TENM2: variants seen among roughly 807,000 people sequenced by gnomAD.
TENM2 encodes teneurin-2.
Under a neutral mutation model 245.2 loss-of-function variants are expected in TENM2, and 52 were observed. That is an observed-to-expected ratio of 0.21 (90% CI 0.17 to 0.27). The LOEUF (loss-of-function observed/expected upper bound fraction) is 0.27, where lower values mean the gene tolerates loss of function less well. Among genes scored for constraint, TENM2 ranks in the 10% least tolerant of loss-of-function variants. The pLI, the probability that TENM2 is intolerant of heterozygous loss-of-function variation, is 1.00. For synonymous variants in TENM2, 1,363 were observed against 1,438.9 expected, an observed-to-expected ratio of 0.95 and a Z score of 1.19; for missense variants, 3,046 against 3,666.8, an observed-to-expected ratio of 0.83 and a Z score of 4.37.
At chr5:167,765,411 A>C (rs2150733821) in intron 2 of TENM2, among the ~76,000 whole-genome samples, 1 of 152,294 alleles carries the variant, frequency 6.6e-6, no homozygotes, top group African/African-American at 2.4e-5. Context: ...AATCTGTCAA[A>C]AAAGGCATCA....
chr5:167,917,959 GTTA>G (rs987078200), intron 3 of TENM2, among the ~76,000 whole-genome samples: 6 of 152,138 alleles, frequency 3.9e-5, no homozygotes, highest in Middle Eastern at 3.4e-3. Flanking sequence ...ATTGGTTAGT[GTTA>G]TTATTATAGG....
chr5:167,412,974 A>G (rs1462995651), intron 2 of TENM2, among the ~76,000 whole-genome samples: 1 of 152,142 alleles, frequency 6.6e-6, no homozygotes, highest in East Asian at 1.9e-4. Context: ...GCCCCTGCCA[A>G]ATGTTAATCC....
intron 2 of TENM2, among the ~76,000 whole-genome samples, chr5:167,776,161 C>CACACA (rs1554115636): frequency 1.5e-5 from 2 of 133,110 alleles, no homozygotes; most frequent in East Asian, 2.1e-4. Flanking sequence ...AAAAAAAAAT[C>CACACA]CACACACACA....
chr5:167,729,011 C>T (rs1049224673), intron 2 of TENM2: 2 of 152,246 alleles, frequency 1.3e-5, no homozygotes, highest in African/African-American at 4.8e-5. Context: ...CCAGTGATAA[C>T]CCAATTTCAT....
chr5:167,452,295 C>T (rs1448235549), intron 2 of TENM2, among the ~76,000 whole-genome samples: 2 of 152,066 alleles, frequency 1.3e-5, no homozygotes, highest in African/African-American at 4.8e-5. Context: ...CTGGAAGGTT[C>T]CGTGGGAGGA....
intron 2 of TENM2, among the ~76,000 whole-genome samples, chr5:167,825,666 C>G (rs1289931633): frequency 6.6e-6 from 1 of 152,074 alleles, no homozygotes; most frequent in Non-Finnish European, 1.5e-5. Context: ...TCCCAAATTG[C>G]TAGGGCTCTC....
chr5:168,010,542 G>A (rs1256552499), intron 5 of TENM2, among the ~76,000 whole-genome samples: 1 of 152,182 alleles, frequency 6.6e-6, no homozygotes, highest in Non-Finnish European at 1.5e-5. Flanking sequence ...ATATACAACA[G>A]CATCTTTTAG....
intron 25 of TENM2, among the ~76,000 whole-genome samples, chr5:168,233,991 C>A (rs1362053225): frequency 1.3e-5 from 2 of 152,124 alleles, no homozygotes; most frequent in Admixed American, 1.3e-4. Flanking sequence ...CTAGGAGATA[C>A]AATTCAAATC....
chr5:167,782,440 A>C (rs1407300089), intron 2 of TENM2, among the ~76,000 whole-genome samples: 1 of 152,088 alleles, frequency 6.6e-6, no homozygotes, highest in East Asian at 1.9e-4. Context: ...TAGATGGCCC[A>C]AGCAAGCTGG....
At chr5:167,967,844 C>G (rs2151910506) in intron 4 of TENM2, among the ~76,000 whole-genome samples, 1 of 152,284 alleles carries the variant, frequency 6.6e-6, no homozygotes, top group Non-Finnish European at 1.5e-5. Context: ...AACTGTCATT[C>G]CCTTGAGGCA....
At chr5:168,103,432 A>G (rs1020870549) in intron 9 of TENM2, among the ~76,000 whole-genome samples, 1 of 152,092 alleles carries the variant, frequency 6.6e-6, no homozygotes, top group Non-Finnish European at 1.5e-5. Context: ...CCCACATTGC[A>G]TTTAATCGTC....
rs146627523 is a variant in TENM2, at chr5:168,260,263, A to G, written c.7433-20A>G. ...ATCCATCATGATTTCAGAAACCTTT[A>G]TTTTTGTTTTCCACCATAGATGTGA... On this transcript the variant is annotated intron_variant, in intron 27 of 28. Coordinates refer to ENST00000518659, the Ensembl canonical transcript of TENM2. 147 of 1,613,190 alleles carry G rather than the reference A, an allele frequency of 9.1e-5. No individual in the cohort carries two copies. The African/African-American group carries it at 1.7e-3, about 19-fold the overall frequency.
intron 6 of TENM2, among the ~76,000 whole-genome samples, chr5:168,061,772 A>T (rs1210119388): frequency 6.6e-6 from 1 of 152,218 alleles, no homozygotes; most frequent in East Asian, 1.9e-4. Context: ...TGGAAGCTTT[A>T]CATGTATTTA....
intron 10 of TENM2, among the ~76,000 whole-genome samples, chr5:168,121,315 G>A (rs766817610): frequency 2.7e-4 from 41 of 152,292 alleles, no homozygotes; most frequent in African/African-American, 8.9e-4. Context: ...ATAAAGCTTC[G>A]TAAAATGCCA....
At chr5:168,011,963 C>G (rs750778086) in intron 5 of TENM2, among the ~76,000 whole-genome samples, 25 of 152,180 alleles carry the variant, frequency 1.6e-4, no homozygotes, top group Non-Finnish European at 3.2e-4. Context: ...GGCCAAATAA[C>G]TTATGCATAG....
chr5:167,438,022 T>C (rs1449174407), intron 2 of TENM2, among the ~76,000 whole-genome samples: 3 of 152,214 alleles, frequency 2.0e-5, no homozygotes, highest in Admixed American at 2.0e-4. Flanking sequence ...TCCCAAAATA[T>C]AATTTAATAA....
chr5:167,764,423 T>C (rs1294755457), intron 2 of TENM2, among the ~76,000 whole-genome samples: 1 of 152,178 alleles, frequency 6.6e-6, no homozygotes, highest in Non-Finnish European at 1.5e-5. Context: ...TTGTCAGCTC[T>C]CCAAGGAGCG....
chr5:167,948,302 AAG>A (rs2036304750), intron 3 of TENM2, among the ~76,000 whole-genome samples: 1 of 152,210 alleles, frequency 6.6e-6, no homozygotes, highest in Non-Finnish European at 1.5e-5. Flanking sequence ...GGCATTTAGG[AAG>A]GACAGACTAT....
chr5:167,181,463 C>CGTTT, the TENM2 span, among the ~76,000 whole-genome samples: 1 of 69,918 alleles, frequency 1.4e-5, no homozygotes, highest in Non-Finnish European at 2.6e-5. Context: ...GGGAGCCGCT[C>CGTTT]GTTTGTGTGT....
Sources: gnomAD v4.1 joint callset for allele counts (sites outside exome capture counted in the v4.1 genomes callset) on GRCh38, gnomAD v4.1.1 for gene constraint, MANE v1.5 for transcripts, NCBI Gene and HGNC (gene_info 2026-07-23, HGNC 2026-07-21) for gene names.